ZNF717: variants seen among roughly 807,000 people sequenced by gnomAD.
The protein encoded by ZNF717 is zinc finger protein 717.
In ZNF717, 9 loss-of-function variants were observed where a neutral mutation model predicts 13.8. That is an observed-to-expected ratio of 0.65 (90% CI 0.39 to 1.14). The LOEUF is 1.14. ZNF717 is among the 50% of genes most tolerant of loss of function. The probability of loss-of-function intolerance (pLI) is 0.01; values close to 1 mark genes in which losing one functional copy is unlikely to be tolerated. For missense variants in ZNF717, 1,040 were observed against 1,080.7 expected (o/e 0.96, Z 0.53); for synonymous variants, 327 against 364.1 (o/e 0.90, Z 1.16).
At chr3:75,732,850 C>G (rs1938700786), downstream of ZNF717, among the ~76,000 whole-genome samples, 1 of 152,122 alleles carries the variant, frequency 6.6e-6, no homozygotes, top group Non-Finnish European at 1.5e-5. Flanking sequence ...ACAAGGCATA[C>G]TAAAAGGCAA....
At chr3:75,764,141 G>C (rs1369735461) in intron 2 of ZNF717, among the ~76,000 whole-genome samples, 1 of 151,044 alleles carries the variant, frequency 6.6e-6, no homozygotes, top group Admixed American at 6.6e-5. Flanking sequence ...AGATGTGGTT[G>C]TTATTCCAAA....
intron 4 of ZNF717, among the ~76,000 whole-genome samples, chr3:75,723,439 T>C (rs1938209573): frequency 6.6e-6 from 1 of 152,194 alleles, no homozygotes; most frequent in African/African-American, 2.4e-5. Context: ...GCAAGAGCTG[T>C]TCCAGTGTAA....
intron 2 of ZNF717, among the ~76,000 whole-genome samples, chr3:75,746,132 T>C (rs1418043552): frequency 2.0e-5 from 3 of 152,210 alleles, no homozygotes; most frequent in Admixed American, 2.0e-4. Flanking sequence ...TGTTTGGTTT[T>C]TTGTCCTTGA....
chr3:75,704,431 A>AGG (rs1937759512), intron 6 of ZNF717, among the ~76,000 whole-genome samples: 1 of 150,284 alleles, frequency 6.7e-6, no homozygotes, highest in South Asian at 2.1e-4. Context: ...CAAGTGGGCC[A>AGG]TCTTTTAGAG....
chr3:75,767,448 G>A (rs1364306004), intron 2 of ZNF717, among the ~76,000 whole-genome samples: 2 of 152,190 alleles, frequency 1.3e-5, no homozygotes, highest in African/African-American at 2.4e-5. Flanking sequence ...ACAGAATATG[G>A]CAGCTGGAAA....
chr3:75,704,674 GCT>G (rs1937765705), downstream of ZNF717, among the ~76,000 whole-genome samples: 1 of 147,436 alleles, frequency 6.8e-6, no homozygotes, highest in African/African-American at 2.5e-5. Flanking sequence ...TCCACCTTCC[GCT>G]CTCTGTCCCT....
intron 6 of ZNF717, among the ~76,000 whole-genome samples, chr3:75,699,845 T>C (rs372828943): frequency 6.6e-6 from 1 of 152,300 alleles, no homozygotes; most frequent in African/African-American, 2.4e-5. Flanking sequence ...GATTTCTATA[T>C]GCCAAGAGTC....
intron 2 of ZNF717, among the ~76,000 whole-genome samples, chr3:75,753,747 A>G (rs1942192887): frequency 2.4e-5 from 2 of 84,448 alleles, no homozygotes; most frequent in Admixed American, 2.4e-4. Context: ...TTTGTCCCTC[A>G]CATAGGATTC....
At chr3:75,708,468 C>T (rs1184426744), downstream of ZNF717, among the ~76,000 whole-genome samples, 87 of 151,992 alleles carry the variant, frequency 5.7e-4, no homozygotes, top group African/African-American at 2.0e-3. Flanking sequence ...CCCATCTGTA[C>T]GTCACCACCA....
chr3:75,734,415 T>C (rs1938893217), downstream of ZNF717, among the ~76,000 whole-genome samples: 1 of 105,828 alleles, frequency 9.4e-6, no homozygotes, highest in Non-Finnish European at 2.0e-5. Flanking sequence ...TAAGTGGTGG[T>C]AAAATGGGTT....
At chr3:75,749,008 G>C (rs1223258841) in intron 2 of ZNF717, among the ~76,000 whole-genome samples, 1 of 151,662 alleles carries the variant, frequency 6.6e-6, no homozygotes, top group African/African-American at 2.4e-5. Flanking sequence ...TGCTGCTGTG[G>C]TCTGCTTGTC....
At chr3:75,761,618 T>A (rs1273429273) in intron 2 of ZNF717, among the ~76,000 whole-genome samples, 2 of 152,270 alleles carry the variant, frequency 1.3e-5, no homozygotes, top group Admixed American at 1.3e-4. Context: ...ATGTAATGTG[T>A]AAAAATCCTG....
Position 75,777,323 on chromosome 3 carries a change from G to A in ZNF717, c.57+5983C>T, listed in dbSNP as rs117754743. 2.2e-4 allele frequency among the ~76,000 whole-genome samples: 34 copies of A among 152,108 alleles called. No individual in the cohort carries two copies. In the East Asian group the frequency reaches 6.2e-3, roughly 28 times the overall value. ...AAAACCGGAACCCAAAACAATGGCA[G>A]TGACGTGCTAAAACCAGAAACCAAA... is the stretch of plus-strand genomic sequence containing the variant. On this transcript the variant is annotated intron_variant, in intron 2 of 4. Coordinates refer to ENST00000652011, the MANE Select transcript of ZNF717 (RefSeq NM_001290208.3).
chr3:75,726,502 A>G (rs1278545773), downstream of ZNF717, among the ~76,000 whole-genome samples: 10 of 152,254 alleles, frequency 6.6e-5, no homozygotes, highest in African/African-American at 2.4e-4. Context: ...GCACGGTATT[A>G]TGAGGTTGCA....
At chr3:75,761,954 TGA>T (rs1260006481) in intron 2 of ZNF717, among the ~76,000 whole-genome samples, 2 of 152,154 alleles carry the variant, frequency 1.3e-5, no homozygotes, top group African/African-American at 4.8e-5. Flanking sequence ...CTTGGGAGGC[TGA>T]GGCAGGAGAA....
chr3:75,735,299 G>C (rs1337024573), downstream of ZNF717, among the ~76,000 whole-genome samples: 2 of 152,148 alleles, frequency 1.3e-5, no homozygotes, highest in Admixed American at 6.5e-5. Context: ...TGGATTTGTT[G>C]CAAGTCTATA....
At chr3:75,743,731 C>G (rs1258735911) in intron 2 of ZNF717, among the ~76,000 whole-genome samples, 3 of 152,228 alleles carry the variant, frequency 2.0e-5, no homozygotes, top group Admixed American at 1.3e-4. Flanking sequence ...GATTTGGTAC[C>G]AATTTGCTGT....
chr3:75,727,057 G>C (rs1938295921), downstream of ZNF717, among the ~76,000 whole-genome samples: 2 of 152,340 alleles, frequency 1.3e-5, no homozygotes, highest in South Asian at 4.1e-4. Flanking sequence ...CGTGGCAGAA[G>C]AACATAAATT....
rs563392950 is a variant in ZNF717 at position 75,753,629 on chromosome 3, G to A, written c.58-11893C>T. 1.5e-3 allele frequency among the ~76,000 whole-genome samples: 108 copies of A among 71,178 alleles called. 1 individual carries two copies. Among genetic ancestry groups the A allele is most frequent in the African/African-American group, 4.3e-3 (96 of 22,444 alleles). 46.7% of individuals were successfully genotyped at this position (71,178 alleles called of 152,430 possible). A position where few individuals can be genotyped will look rare whatever the true frequency, so the allele number is the denominator to read the frequency against. On this transcript the variant is annotated intron_variant, in intron 2 of 4. Coordinates refer to ENST00000652011, the MANE Select transcript of ZNF717 (RefSeq NM_001290208.3). Reference sequence around the variant, plus strand: ...ACATAGGATTCCTGAACACTGCTACGAGGGTCTGAATGTTTGTCCCTCACA... The same window carrying A: ...ACATAGGATTCCTGAACACTGCTACAAGGGTCTGAATGTTTGTCCCTCACA...
Sources: gnomAD v4.1 joint callset for allele counts (sites outside exome capture counted in the v4.1 genomes callset) on GRCh38, gnomAD v4.1.1 for gene constraint, MANE v1.5 for transcripts, NCBI Gene and HGNC (gene_info 2026-07-23, HGNC 2026-07-21) for gene names.